Variants in ADGRB3 observed in about 807,000 individuals in gnomAD.
The protein encoded by ADGRB3 is brain-specific angiogenesis inhibitor 3.
Under a neutral mutation model 193.4 loss-of-function variants are expected in ADGRB3, and 37 were observed. That is an observed-to-expected ratio of 0.19 (90% CI 0.15 to 0.25). ADGRB3 has a LOEUF of 0.25. Ranked by LOEUF, ADGRB3 falls within the 10% of genes least tolerant of loss-of-function variation. The probability of loss-of-function intolerance (pLI) is 1.00; values close to 1 mark genes in which losing one functional copy is unlikely to be tolerated. For synonymous variants in ADGRB3, 690 were observed against 644.2 expected, an observed-to-expected ratio of 1.07 and a Z score of -1.08; for missense variants, 1,637 against 1,852.9, an observed-to-expected ratio of 0.88 and a Z score of 2.14.
chr6:68,821,448 C>T (rs9454627), intron 3 of ADGRB3, among the ~76,000 whole-genome samples: 4,935 of 151,964 alleles, frequency 0.032, 280 homozygotes, highest in African/African-American at 0.11. Flanking sequence ...CAAAGACATC[C>T]TAATTAATAT....
intron 17 of ADGRB3, among the ~76,000 whole-genome samples, chr6:69,088,135 G>T (rs752608853): frequency 5.3e-5 from 8 of 152,060 alleles, no homozygotes; most frequent in Non-Finnish European, 1.2e-4. Flanking sequence ...CACCTGTATA[G>T]TTCTCAGAGC....
intron 6 of ADGRB3, among the ~76,000 whole-genome samples, chr6:68,951,060 T>C (rs1370234619): frequency 1.3e-5 from 2 of 152,112 alleles, no homozygotes; most frequent in Non-Finnish European, 2.9e-5. Context: ...CAGTCTTCTC[T>C]CTGTTCCTGA....
chr6:68,983,106 T>A (rs192150228), intron 10 of ADGRB3, among the ~76,000 whole-genome samples: 2 of 152,120 alleles, frequency 1.3e-5, no homozygotes, highest in Non-Finnish European at 2.9e-5. Context: ...ACCAGTAAAT[T>A]TAAATTGTAT....
intron 13 of ADGRB3, among the ~76,000 whole-genome samples, chr6:69,039,742 C>CTTT (rs34543678): frequency 1.4e-4 from 18 of 130,226 alleles, no homozygotes; most frequent in Non-Finnish European, 2.1e-4. Context: ...TTGTTTTTTT[C>CTTT]TTTTTTTTTT....
intron 17 of ADGRB3, among the ~76,000 whole-genome samples, chr6:69,134,758 G>A (rs1045988811): frequency 1.3e-5 from 2 of 151,734 alleles, no homozygotes; most frequent in African/African-American, 4.8e-5. Flanking sequence ...TATGGTGTGT[G>A]TGTATATATA....
At chr6:68,699,601 G>A (rs927893156) in intron 3 of ADGRB3, among the ~76,000 whole-genome samples, 2 of 151,718 alleles carry the variant, frequency 1.3e-5, no homozygotes, top group African/African-American at 4.8e-5. Context: ...TTTGCATTAA[G>A]AGAATCTCCC....
chr6:68,772,877 ACAAACAAAAAAAAAAAAATATATATAT>A lies in ADGRB3; in HGVS notation c.757+133446_757+133472del, dbSNP rs1425731828. ...TAAAAACAAACAAACAAACAAACAAACAAACAAAAAAAAAAAAATATATATATATATATATATATATATATATATATA... is the reference window on the plus strand; with the variant it reads ...TAAAAACAAACAAACAAACAAACAAAATATATATATATATATATATATATA... On this transcript the variant is annotated intron_variant, in intron 3 of 31. Transcript: ENST00000370598. 1.6e-3 allele frequency among the ~76,000 whole-genome samples: 45 copies of A among 27,714 alleles called. 1 individual carries two copies. Among genetic ancestry groups the A allele is most frequent in the African/African-American group, 4.9e-3 (42 of 8,580 alleles). 18.2% of individuals were successfully genotyped at this position (27,714 alleles called of 152,430 possible).
intron 3 of ADGRB3, among the ~76,000 whole-genome samples, chr6:68,731,837 T>C (rs1465294323): frequency 6.6e-6 from 1 of 151,722 alleles, no homozygotes; most frequent in Non-Finnish European, 1.5e-5. Context: ...TACAAAAATG[T>C]ATAATTGTTT....
At chr6:68,664,713 G>C (rs1325053691) in intron 3 of ADGRB3, among the ~76,000 whole-genome samples, 1 of 151,854 alleles carries the variant, frequency 6.6e-6, no homozygotes, top group Non-Finnish European at 1.5e-5. Flanking sequence ...AAGTTGTGCA[G>C]AGAGTTAAGC....
chr6:68,671,701 A>T (rs369474512), intron 3 of ADGRB3, among the ~76,000 whole-genome samples: 2 of 152,100 alleles, frequency 1.3e-5, no homozygotes, highest in African/African-American at 4.8e-5. Context: ...CATCAGAGAT[A>T]TTGGCCTGTA....
At chr6:68,822,945 C>T (rs904242363) in intron 3 of ADGRB3, among the ~76,000 whole-genome samples, 2 of 151,950 alleles carry the variant, frequency 1.3e-5, no homozygotes, top group Non-Finnish European at 2.9e-5. Flanking sequence ...TGTGTCATTT[C>T]ACTTCTAGGA....
intron 17 of ADGRB3, among the ~76,000 whole-genome samples, chr6:69,098,350 A>G (rs1772943018): frequency 6.6e-6 from 1 of 152,210 alleles, no homozygotes; most frequent in Non-Finnish European, 1.5e-5. Flanking sequence ...CCACACTATG[A>G]GCTATAAACT....
At chr6:69,092,543 T>C (rs1772739780) in intron 17 of ADGRB3, among the ~76,000 whole-genome samples, 1 of 152,200 alleles carries the variant, frequency 6.6e-6, no homozygotes. Context: ...TTTTTGATAA[T>C]AATTGTAAGC....
At chr6:69,226,707 T>TCAGC (rs1307343279) in intron 17 of ADGRB3, among the ~76,000 whole-genome samples, 1 of 152,230 alleles carries the variant, frequency 6.6e-6, no homozygotes, top group Non-Finnish European at 1.5e-5. Context: ...TAGGTTGAGC[T>TCAGC]CAGCCAGTTA....
At chr6:68,951,544 G>A (rs1044864949) in intron 6 of ADGRB3, among the ~76,000 whole-genome samples, 9 of 152,162 alleles carry the variant, frequency 5.9e-5, no homozygotes, top group African/African-American at 9.7e-5. Flanking sequence ...CCGTGGCGCA[G>A]TTGAGCAATG....
intron 17 of ADGRB3, among the ~76,000 whole-genome samples, chr6:69,178,841 T>C (rs1378933518): frequency 6.6e-6 from 1 of 152,236 alleles, no homozygotes; most frequent in Admixed American, 6.5e-5. Context: ...ATTTCCTTTG[T>C]AAGTGATCTG....
At chr6:69,208,862 T>C (rs1485497394) in intron 17 of ADGRB3, among the ~76,000 whole-genome samples, 1 of 152,110 alleles carries the variant, frequency 6.6e-6, no homozygotes, top group Non-Finnish European at 1.5e-5. Flanking sequence ...GCTTGATGGG[T>C]TAGAAAGCAC....
At chr6:69,158,018 A>G (rs1774891376) in intron 17 of ADGRB3, among the ~76,000 whole-genome samples, 1 of 151,312 alleles carries the variant, frequency 6.6e-6, no homozygotes, top group Non-Finnish European at 1.5e-5. Flanking sequence ...TCTCTAATCT[A>G]CTCTCTCCTG....
intron 24 of ADGRB3, among the ~76,000 whole-genome samples, chr6:69,334,693 A>G (rs540486632): frequency 6.6e-6 from 1 of 152,234 alleles, no homozygotes; most frequent in Admixed American, 6.5e-5. Context: ...GAATATACTG[A>G]TCAGACTGAG....
Sources: allele counts gnomAD v4.1 joint callset (sites outside exome capture counted in the v4.1 genomes callset), GRCh38; gene constraint gnomAD v4.1.1; transcripts MANE v1.5; gene names NCBI Gene and HGNC (gene_info 2026-07-23, HGNC 2026-07-21).